Variants in HNRNPD observed in about 807,000 individuals in gnomAD.
The protein encoded by HNRNPD is heterogeneous nuclear ribonucleoprotein D, also known as heterogeneous nuclear ribonucleoprotein D0.
Under a neutral mutation model 47.9 loss-of-function variants are expected in HNRNPD, and 3 were observed. The observed-to-expected ratio is 0.06, with a 90% CI of 0.03 to 0.16. The LOEUF (loss-of-function observed/expected upper bound fraction) is 0.16, where lower values mean the gene tolerates loss of function less well. Ranked by LOEUF, HNRNPD falls within the 10% of genes least tolerant of loss-of-function variation. The pLI is 1.00. For synonymous variants in HNRNPD, 171 were observed against 165.1 expected (o/e 1.04, Z -0.28); for missense variants, 287 against 454.2 (o/e 0.63, Z 3.35).
At chr4:82,365,976 A>T (rs560882376) in intron 2 of HNRNPD, among the ~76,000 whole-genome samples, 2 of 151,920 alleles carry the variant, frequency 1.3e-5, no homozygotes, top group Non-Finnish European at 2.9e-5. Flanking sequence ...TTCCCCAAAA[A>T]ACACTTTAGT....
At chr4:82,356,028 A>G (rs1196259105) in intron 7 of HNRNPD, 1 of 153,282 alleles carries the variant, frequency 6.5e-6, no homozygotes, top group Non-Finnish European at 1.5e-5. Flanking sequence ...TCAGGTGGAG[A>G]GCAACTACCT....
rs756131490 is a variant in HNRNPD at position 82,352,982 on chromosome 4, G to GT, written c.*1202dup. ...AATGAACTATTCTGAGCAGTCTGAA[G>GT]TAACTGACTGCACAGCCTTAGATTA... On this transcript the variant is annotated 3_prime_UTR_variant, in exon 9 of 9. Coordinates refer to ENST00000313899, the MANE Select transcript of HNRNPD (RefSeq NM_031370.3). The GT allele has an allele frequency of 6.6e-6, 1 of 152,146 alleles. No homozygotes were observed. Among genetic ancestry groups the GT allele is most frequent in the Non-Finnish European group, 1.5e-5 (1 of 68,036 alleles). 9.4% of individuals were successfully genotyped at this position (152,146 alleles called of 1,614,324 possible).
chr4:82,373,793 C>G lies in HNRNPD; in HGVS notation c.-115G>C, dbSNP rs1692938687. 1 of 1,519,532 alleles carries G rather than the reference C, an allele frequency of 6.6e-7. No homozygotes were observed. The highest frequency in any genetic ancestry group is 1.4e-5 in the African/African-American group (1 of 71,112). The allele number at this position is 1,519,532 out of a possible 1,614,324, so 94.1% of individuals were successfully genotyped here. A position where few individuals can be genotyped will look rare whatever the true frequency, so the allele number is the denominator to read the frequency against. Reference sequence around the variant, plus strand: ...CGCGCCCGCTCTACCTCGCGAAGCACACAAGACAGGGAAGGCGCGCGCGTG... The same window carrying G: ...CGCGCCCGCTCTACCTCGCGAAGCAGACAAGACAGGGAAGGCGCGCGCGTG... On this transcript the variant is annotated 5_prime_UTR_variant, in exon 1 of 9. Coordinates refer to ENST00000313899, the MANE Select transcript of HNRNPD (RefSeq NM_031370.3).
At position 82,356,520 on chromosome 4, in the gene HNRNPD, A is replaced by C. The variant is rs771347721; in HGVS notation, c.1000+17T>G. ...TAAATGTCAAATAGCAGTTAATATA[A>C]AAAGTATAGTACTTACTGCTATAAT... On this transcript the variant is annotated intron_variant, in intron 7 of 8. Transcript: ENST00000313899. 1 of 1,580,434 alleles carries C rather than the reference A, an allele frequency of 6.3e-7. No homozygotes were observed. Among genetic ancestry groups the C allele is most frequent in the Non-Finnish European group, 8.7e-7 (1 of 1,154,650 alleles).
At chr4:82,356,404 C>T (rs1375751436) in intron 7 of HNRNPD, 133 bp downstream of exon 7, 7 of 665,564 alleles carry the variant, frequency 1.1e-5, no homozygotes, top group Non-Finnish European at 1.8e-5. Flanking sequence ...AAAATGGCTG[C>T]AGTTTCAAGT....
intron 2 of HNRNPD, among the ~76,000 whole-genome samples, chr4:82,364,975 C>T (rs898013412): frequency 1.3e-5 from 2 of 152,126 alleles, no homozygotes; most frequent in African/African-American, 4.8e-5. Context: ...TTGTCAAACA[C>T]CTTATTCAAG....
intron 2 of HNRNPD, among the ~76,000 whole-genome samples, chr4:82,360,735 T>C (rs1048114084): frequency 1.3e-5 from 2 of 152,096 alleles, no homozygotes; most frequent in African/African-American, 4.8e-5. Flanking sequence ...TTAGGAAACA[T>C]CTCCATCTTG....
intron 2 of HNRNPD, among the ~76,000 whole-genome samples, chr4:82,361,821 C>G (rs947814426): frequency 2.6e-5 from 4 of 152,192 alleles, no homozygotes; most frequent in Admixed American, 2.6e-4. Flanking sequence ...GCAAAGTGCT[C>G]TCCAAACGTA....
At chr4:82,362,933 G>C (rs1351685683) in intron 2 of HNRNPD, among the ~76,000 whole-genome samples, 1 of 151,960 alleles carries the variant, frequency 6.6e-6, no homozygotes, top group Non-Finnish European at 1.5e-5. Flanking sequence ...ATGGGGAAAA[G>C]TCTGCTTATC....
intron 1 of HNRNPD, 75 bp from the exon 2 acceptor site, chr4:82,371,659 CTT>C (rs1308074717): frequency 3.3e-6 from 4 of 1,211,780 alleles, no homozygotes; most frequent in Non-Finnish European, 4.8e-6. Flanking sequence ...GGGTTAAAAA[CTT>C]TAATTCATTT....
intron 7 of HNRNPD, 79 bp downstream of exon 7, chr4:82,356,458 T>C: frequency 8.5e-7 from 1 of 1,179,510 alleles, no homozygotes; most frequent in Non-Finnish European, 1.2e-6. Context: ...TTGGCAAGGC[T>C]ACACTAACCT....
intron 8 of HNRNPD, chr4:82,354,521 T>C (rs1050371690): frequency 2.0e-5 from 3 of 152,654 alleles, no homozygotes; most frequent in African/African-American, 4.8e-5. Context: ...TCACAAGTTA[T>C]AGAAAAGTTA....
chr4:82,354,938 G>C (rs995290649), intron 8 of HNRNPD: 1 of 227,866 alleles, frequency 4.4e-6, no homozygotes, highest in Non-Finnish European at 8.6e-6. Context: ...TACCCTGTCC[G>C]CATTGAGCGG....
intron 3 of HNRNPD, 91 bp downstream of exon 3, chr4:82,359,380 G>C (rs941841361): frequency 1.2e-6 from 1 of 846,568 alleles, no homozygotes. Context: ...CTATCAAAAT[G>C]GGGAACCACA....
Position 82,355,312 on chromosome 4 carries a change from G to A in HNRNPD, c.*22C>T, listed in dbSNP as rs201170823. ...CTATTTTTAGAACATACCTGTTGGG[G>A]ATAAGTTGCAAATGGAATAATTTAG... is the stretch of plus-strand genomic sequence containing the variant. On this transcript the variant is annotated 3_prime_UTR_variant, in exon 8 of 9. Coordinates refer to ENST00000313899, the MANE Select transcript of HNRNPD (RefSeq NM_031370.3). 8 of 1,578,658 alleles carry A rather than the reference G, an allele frequency of 5.1e-6. No individual in the cohort carries two copies. Among genetic ancestry groups the A allele is most frequent in the African/African-American group, 1.3e-5 (1 of 74,266 alleles).
rs1422776391 is a variant in HNRNPD, at chr4:82,356,675, G to C, written c.862C>G (p.Gln288Glu). 1 of 1,613,334 alleles carries C rather than the reference G, an allele frequency of 6.2e-7. No individual in the cohort carries two copies. Among genetic ancestry groups the C allele is most frequent in the African/African-American group, 1.3e-5 (1 of 74,964 alleles). ...RARGRGGGPSQNWNQGYSNYW... is the reference protein window; with the variant it reads ...RARGRGGGPSENWNQGYSNYW... ...TTACTATATCCCTGGTTCCAGTTTT[G>C]ACTGGGGCCTGCAGCACATTAATAG... Residue 288 changes from glutamine (Q) to glutamate (E), a missense_variant, in exon 7 of 9, where the codon CAA (glutamine) becomes GAA (glutamate). Physicochemically the swap from Gln to Glu is conservative, Grantham distance 29. This residue lies in a region of HNRNPD where 65 missense variants were observed against 107.1 expected (regional missense o/e 0.61). Transcript: ENST00000313899.
chr4:82,368,409 A>T (rs115335872), intron 2 of HNRNPD, among the ~76,000 whole-genome samples: 4 of 152,166 alleles, frequency 2.6e-5, no homozygotes, highest in Non-Finnish European at 5.9e-5. Flanking sequence ...GCTTAAGGGA[A>T]AAAACCCCAG....
rs550816704 is a variant in HNRNPD at position 82,372,334 on chromosome 4, G to A, written c.234-750C>T. 5.9e-5 allele frequency among the ~76,000 whole-genome samples: 9 copies of A among 152,156 alleles called. 1 individual carries two copies. In the South Asian group the frequency reaches 1.7e-3, roughly 28 times the overall value. ...TTTAATACACTAAATGCAGATTTAG[G>A]TAGTATATACAACTGTTATTTCAAT... is the stretch of plus-strand genomic sequence containing the variant. On this transcript the variant is annotated intron_variant, in intron 1 of 8. Coordinates refer to ENST00000313899, the MANE Select transcript of HNRNPD (RefSeq NM_031370.3).
chr4:82,365,281 T>C (rs934342204), intron 2 of HNRNPD, among the ~76,000 whole-genome samples: 10 of 152,190 alleles, frequency 6.6e-5, no homozygotes, highest in Non-Finnish European at 1.5e-4. Context: ...AATGTCAACC[T>C]GATATACATT....
Sources: gnomAD v4.1 joint callset for allele counts (sites outside exome capture counted in the v4.1 genomes callset) on GRCh38, gnomAD v4.1.1 for gene constraint, gnomAD v4.1.1 regional missense constraint, MANE v1.5 for transcripts, NCBI Gene and HGNC (gene_info 2026-07-23, HGNC 2026-07-21) for gene names.